Variants in PLEKHH2 observed in about 807,000 individuals in gnomAD.
PLEKHH2 encodes pleckstrin homology, MyTH4 and FERM domain containing H2, also known as pleckstrin homology domain-containing family H member 2.
Under a neutral mutation model 187.9 loss-of-function variants are expected in PLEKHH2, and 129 were observed. The observed-to-expected ratio is 0.69, with a 90% confidence interval of 0.59 to 0.79. The LOEUF (loss-of-function observed/expected upper bound fraction) is 0.79. PLEKHH2 is among the 30% of genes least tolerant of loss of function. The pLI, the probability that PLEKHH2 is intolerant of heterozygous loss-of-function variation, is 0.00. For synonymous variants in PLEKHH2, 686 were observed against 605.6 expected (o/e 1.13, Z -1.95); for missense variants, 2,076 against 1,751.2 (o/e 1.19, Z -3.31).
chr2:43,708,154 T>C (rs894925909), intron 11 of PLEKHH2, among the ~76,000 whole-genome samples: 1 of 152,222 alleles, frequency 6.6e-6, no homozygotes, highest in Non-Finnish European at 1.5e-5. Context: ...CTGGAGCTGC[T>C]CAGCCTTCCT....
At chr2:43,685,894 C>T (rs183778955) in intron 3 of PLEKHH2, among the ~76,000 whole-genome samples, 1 of 152,346 alleles carries the variant, frequency 6.6e-6, no homozygotes, top group Non-Finnish European at 1.5e-5. Context: ...TCCCAAGTAT[C>T]TAATTAGGTG....
At chr2:43,704,662 TAA>T (rs70965318) in intron 9 of PLEKHH2, among the ~76,000 whole-genome samples, 17 of 84,286 alleles carry the variant, frequency 2.0e-4, no homozygotes, top group Admixed American at 5.8e-4. Flanking sequence ...GATTCTGTCT[TAA>T]AAAAAAAAAA....
intron 15 of PLEKHH2, among the ~76,000 whole-genome samples, chr2:43,714,992 T>A (rs1670146372): frequency 6.6e-6 from 1 of 151,982 alleles, no homozygotes; most frequent in African/African-American, 2.4e-5. Flanking sequence ...AATGAAGGCT[T>A]AGAGTCTTGA....
chr2:43,668,481 A>G (rs1667332020), intron 2 of PLEKHH2, among the ~76,000 whole-genome samples: 1 of 152,230 alleles, frequency 6.6e-6, no homozygotes, highest in Non-Finnish European at 1.5e-5. Context: ...TAAAGAGCTC[A>G]GTAAATAAAT....
chr2:43,697,867 C>A (rs957089894), intron 7 of PLEKHH2, among the ~76,000 whole-genome samples: 1 of 152,008 alleles, frequency 6.6e-6, no homozygotes, highest in African/African-American at 2.4e-5. Context: ...TCCTTTAATC[C>A]TTCCAAGAGG....
In PLEKHH2 at chr2:43,710,055, G is replaced by GA; in HGVS notation, c.2033dup (p.Asp678GlufsTer20). 6.2e-7 allele frequency: 1 copy of GA among 1,612,380 alleles called. No individual in the cohort carries two copies. Among genetic ancestry groups the GA allele is most frequent in the Non-Finnish European group, 8.5e-7 (1 of 1,178,468 alleles). On this transcript the variant is annotated frameshift_variant, in exon 12 of 30. Transcript: ENST00000282406. LOFTEE classifies it high-confidence loss of function. ...TATTCCTCCTGATGCTTACTCCACA[G>GA]ACACGGAGTACTCACAGCCAGAGCA...
chr2:43,748,104 G>T (rs1671852694), intron 24 of PLEKHH2, among the ~76,000 whole-genome samples: 1 of 152,092 alleles, frequency 6.6e-6, no homozygotes. Context: ...TCATCCAGTT[G>T]GCCACTTAAA....
chr2:43,703,338 C>A, intron 8 of PLEKHH2, among the ~76,000 whole-genome samples: 1 of 152,148 alleles, frequency 6.6e-6, no homozygotes, highest in Non-Finnish European at 1.5e-5. Flanking sequence ...GAAGAGAAAA[C>A]AAAATAATCT....
intron 2 of PLEKHH2, among the ~76,000 whole-genome samples, chr2:43,669,887 A>G (rs1318877223): frequency 2.6e-5 from 4 of 152,214 alleles, no homozygotes; most frequent in African/African-American, 9.6e-5. Context: ...AACAATGACT[A>G]GTATTGAAGA....
rs1457140938 is a variant in PLEKHH2, at chr2:43,765,644, C to T, written c.*46C>T. On this transcript the variant is annotated 3_prime_UTR_variant, in exon 30 of 30. Transcript: ENST00000282406. ...TCACTCCTTGTCCTCCATGCTGTGG[C>T]TGTATCAGCTCCCTACAAGTTCGTT... The T allele has an allele frequency of 1.3e-6, 2 of 1,575,940 alleles. No individual in the cohort carries two copies. The highest frequency in any genetic ancestry group is 1.4e-5 in the African/African-American group (1 of 73,672).
At position 43,743,967 on chromosome 2, in the gene PLEKHH2, A is replaced by C; in HGVS notation, c.3533A>C (p.His1178Pro). The C allele has an allele frequency of 6.2e-7, 1 of 1,613,846 alleles. No homozygotes were observed. Among genetic ancestry groups the C allele is most frequent in the Non-Finnish European group, 8.5e-7 (1 of 1,179,804 alleles). ...TDDPSGRDLEHCLQGNIKICD... is the reference protein window; with the variant it reads ...TDDPSGRDLEPCLQGNIKICD... Reference sequence around the variant, plus strand: ...GATCCTTCTGGCAGAGATTTAGAGCATTGTCTTCAAGGAAACATCAAGGTG... The same window carrying C: ...GATCCTTCTGGCAGAGATTTAGAGCCTTGTCTTCAAGGAAACATCAAGGTG... Residue 1178 changes from histidine (H) to proline (P), a missense_variant, in exon 23 of 30, where the codon CAT becomes CCT. Transcript: ENST00000282406.
intron 17 of PLEKHH2, among the ~76,000 whole-genome samples, 169 bp from the exon 18 acceptor site, chr2:43,729,468 A>G (rs1670931426): frequency 6.6e-6 from 1 of 152,256 alleles, no homozygotes; most frequent in Non-Finnish European, 1.5e-5. Flanking sequence ...ACACAGTTCA[A>G]GTGAGCATGC....
intron 25 of PLEKHH2, among the ~76,000 whole-genome samples, chr2:43,755,449 G>A (rs1462824519): frequency 6.6e-6 from 1 of 152,152 alleles, no homozygotes; most frequent in East Asian, 1.9e-4. Context: ...CCTGCAGCAG[G>A]CTCCTAAGTA....
chr2:43,742,922 G>T lies in PLEKHH2; in HGVS notation c.3399+4G>T, dbSNP rs754384318. ...CTTCATGAATGGGATATACCAGGTA[G>T]GTTACCTGATGAAAATATGCTTAGC... On this transcript the variant is annotated splice_donor_region_variant and intron_variant, in intron 22 of 29. Transcript: ENST00000282406. 4.0e-6 allele frequency: 6 copies of T among 1,495,658 alleles called. No individual in the cohort carries two copies. Among genetic ancestry groups the T allele is most frequent in the Non-Finnish European group, 4.5e-6 (5 of 1,120,550 alleles). The allele number at this position is 1,495,658 out of a possible 1,614,324, so 92.6% of individuals were successfully genotyped here. A position where few individuals can be genotyped will look rare whatever the true frequency, so the allele number is the denominator to read the frequency against.
At chr2:43,676,254 T>C in intron 2 of PLEKHH2, 1 of 1,613,732 alleles carries the variant, frequency 6.2e-7, no homozygotes, top group South Asian at 1.1e-5. Flanking sequence ...CAAACATAGT[T>C]ATCAAAACCC....
chr2:43,656,249 G>A (rs534001575), intron 2 of PLEKHH2, among the ~76,000 whole-genome samples: 3 of 152,110 alleles, frequency 2.0e-5, no homozygotes, highest in Non-Finnish European at 1.5e-5. Flanking sequence ...GAGTCACTGT[G>A]CCCAGCCTAT....
At chr2:43,671,779 C>G (rs887783275) in intron 2 of PLEKHH2, among the ~76,000 whole-genome samples, 1 of 152,162 alleles carries the variant, frequency 6.6e-6, no homozygotes, top group East Asian at 1.9e-4. Flanking sequence ...GTTAAAACAA[C>G]CTTGCATTCC....
intron 24 of PLEKHH2, among the ~76,000 whole-genome samples, chr2:43,747,470 T>C (rs1477399645): frequency 6.6e-6 from 1 of 152,198 alleles, no homozygotes; most frequent in Admixed American, 6.5e-5. Flanking sequence ...CAAAGGCCTG[T>C]AGATGGAGGC....
chr2:43,764,978 C>A (rs6544704), intron 29 of PLEKHH2, among the ~76,000 whole-genome samples: 2,904 of 152,224 alleles, frequency 0.019, 103 homozygotes, highest in African/African-American at 0.065. Flanking sequence ...GCTTTTTTTA[C>A]AAAATAGATG....
Sources: allele counts gnomAD v4.1 joint callset (sites outside exome capture counted in the v4.1 genomes callset), GRCh38; gene constraint gnomAD v4.1.1; transcripts MANE v1.5; gene names NCBI Gene and HGNC (gene_info 2026-07-23, HGNC 2026-07-21).